ANKRD62: variants seen among roughly 807,000 people sequenced by gnomAD.
The protein encoded by ANKRD62 is ankyrin repeat domain-containing protein 62.
ANKRD62 carries 61 observed loss-of-function variants against 98.8 expected under a neutral mutation model. That is an observed-to-expected ratio of 0.62 (90% CI 0.50 to 0.76). The LOEUF (loss-of-function observed/expected upper bound fraction) is 0.76, where lower values mean the gene tolerates loss of function less well. Among genes scored for constraint, ANKRD62 ranks in the 30% least tolerant of loss-of-function variants. ANKRD62 has a pLI of 0.00. For synonymous variants in ANKRD62, 341 were observed against 367.9 expected (o/e 0.93, Z 0.84); for missense variants, 933 against 1,082.9 (o/e 0.86, Z 1.94).
At chr18:12,094,780 TGTGGG>T (rs1909141685) in intron 1 of ANKRD62, among the ~76,000 whole-genome samples, 2 of 33,382 alleles carry the variant, frequency 6.0e-5, no homozygotes, top group Non-Finnish European at 1.1e-4. Flanking sequence ...GCAGGACTGG[TGTGGG>T]GGTGGGTGGG....
chr18:12,128,814 C>A lies in ANKRD62; in HGVS notation c.*875C>A, dbSNP rs891364875. On this transcript the variant is annotated 3_prime_UTR_variant, in exon 14 of 14. Coordinates refer to ENST00000587848, the MANE Select transcript of ANKRD62 (RefSeq NM_001277333.2). ...GTGGCTCACGCCTGTGATCCAAGCA[C>A]TTTGGGAGGCTGAAACGGGTGGATC... The A allele has an allele frequency of 2.0e-5, 3 of 152,198 alleles. No homozygotes were observed. Among genetic ancestry groups the A allele is most frequent in the Admixed American group, 6.6e-5 (1 of 15,266 alleles). The allele number at this position is 152,198 out of a possible 1,614,324, so 9.4% of individuals were successfully genotyped here. A position where few individuals can be genotyped will look rare whatever the true frequency, so the allele number is the denominator to read the frequency against.
intron 11 of ANKRD62, 94 bp downstream of exon 11, chr18:12,122,610 T>C: frequency 1.8e-6 from 2 of 1,083,888 alleles, no homozygotes; most frequent in South Asian, 1.9e-5. Context: ...TTCTAGGGTT[T>C]AATAGAGAAG....
chr18:12,164,055 T>G, the ANKRD62 span, among the ~76,000 whole-genome samples: 1 of 152,156 alleles, frequency 6.6e-6, no homozygotes, highest in East Asian at 1.9e-4. Flanking sequence ...CCTCCTCTAT[T>G]ATTTGAAGTG....
chr18:12,135,207 A>C, the ANKRD62 span, among the ~76,000 whole-genome samples: 4 of 88,736 alleles, frequency 4.5e-5, no homozygotes, highest in African/African-American at 9.6e-5. Flanking sequence ...CCCACCCCAC[A>C]ACAGTCCCCA....
chr18:12,095,724 A>G (rs1295673606), intron 3 of ANKRD62, 114 bp downstream of exon 3: 50 of 1,016,976 alleles, frequency 4.9e-5, no homozygotes, highest in Non-Finnish European at 6.4e-5. Flanking sequence ...TTACGTGCAA[A>G]TATTTGCTTT....
In ANKRD62 at chr18:12,124,673, A is replaced by G. The variant is rs1247843997; in HGVS notation, c.1638+353A>G. On this transcript the variant is annotated intron_variant, in intron 12 of 13. Transcript: ENST00000587848. ...ATAAAAGTTATCATAATAGTACATA[A>G]TCTCAGGATTTCCTAAGAAGAGCTT... Among the ~76,000 whole-genome samples, 19 of 150,170 alleles carry G rather than the reference A, an allele frequency of 1.3e-4. No individual in the cohort carries two copies. In the Admixed American group the frequency reaches 1.3e-3, roughly 10 times the overall value.
At chr18:12,135,893 TG>T in the ANKRD62 span, among the ~76,000 whole-genome samples, 4 of 151,708 alleles carry the variant, frequency 2.6e-5, no homozygotes, top group Non-Finnish European at 4.4e-5. Flanking sequence ...TGGGGTTGTT[TG>T]TTTTTTTCTT....
chr18:12,146,514 C>T, the ANKRD62 span, among the ~76,000 whole-genome samples: 58 of 152,296 alleles, frequency 3.8e-4, no homozygotes, highest in African/African-American at 1.4e-3. Flanking sequence ...GGCACAATCT[C>T]GGCTCACCGC....
At chr18:12,170,287 A>ACC in the ANKRD62 span, among the ~76,000 whole-genome samples, 1 of 152,146 alleles carries the variant, frequency 6.6e-6, no homozygotes, top group Non-Finnish European at 1.5e-5. Context: ...ATTTCCCTCT[A>ACC]CACACTGCTT....
the ANKRD62 span, among the ~76,000 whole-genome samples, chr18:12,141,353 C>T: frequency 1.3e-5 from 2 of 152,170 alleles, no homozygotes; most frequent in African/African-American, 2.4e-5. Context: ...TGCACTGCAC[C>T]CACTGTCTGG....
chr18:12,094,271 A>T lies in ANKRD62; in HGVS notation c.218+36A>T, dbSNP rs541758498. On this transcript the variant is annotated intron_variant, in intron 1 of 13. Transcript: ENST00000587848. The stretch of plus-strand genomic sequence containing the variant: ...CAGGAAGCCGGGAGGAGGCCTGGGG[A>T]TATGGGAGAAGCCCCTGTTCCTGGT... 4.2e-6 allele frequency: 6 copies of T among 1,440,428 alleles called. No individual in the cohort carries two copies. The East Asian group carries it at 1.1e-4, about 27-fold the overall frequency. 89.2% of individuals were successfully genotyped at this position (1,440,428 alleles called of 1,614,324 possible).
At position 12,096,289 on chromosome 18, in the gene ANKRD62, G is replaced by A; in HGVS notation, c.601G>A (p.Asp201Asn). The change falls in exon 4 of 14, where the codon GAT (aspartate) becomes AAT (asparagine). Residue 201 changes from aspartate (D) to asparagine (N), a missense_variant. This residue lies in a region of ANKRD62 where 549 missense variants were observed against 587.9 expected (regional missense o/e 0.93). Transcript: ENST00000587848. ...LKKKPDLTAI[D>N]NFGRTALILA... ...GAAAAAACCAGATTTAACTGCAATA[G>A]ATAATTTTGGAAGGTACAGTAGTTC... 6.6e-7 allele frequency: 1 copy of A among 1,525,762 alleles called. No homozygotes were observed. The allele number at this position is 1,525,762 out of a possible 1,614,324, so 94.5% of individuals were successfully genotyped here. A position where few individuals can be genotyped will look rare whatever the true frequency, so the allele number is the denominator to read the frequency against.
downstream of ANKRD62, among the ~76,000 whole-genome samples, chr18:12,130,206 A>AC (rs1330043634): frequency 1.3e-5 from 2 of 152,028 alleles, no homozygotes; most frequent in African/African-American, 2.4e-5. Context: ...CAAAGGTAAA[A>AC]AAATAACAAC....
chr18:12,172,120 T>C, the ANKRD62 span, among the ~76,000 whole-genome samples: 13 of 152,330 alleles, frequency 8.5e-5, no homozygotes, highest in African/African-American at 2.9e-4. Flanking sequence ...TTACTGATCA[T>C]CTGAAGCCTT....
At chr18:12,125,115 C>T (rs928513145) in intron 12 of ANKRD62, among the ~76,000 whole-genome samples, 2 of 152,058 alleles carry the variant, frequency 1.3e-5, no homozygotes, top group African/African-American at 2.4e-5. Context: ...TGTGTAAACC[C>T]AGTTTCTAAA....
downstream of ANKRD62, among the ~76,000 whole-genome samples, chr18:12,130,746 G>GTC (rs1290766208): frequency 3.3e-5 from 5 of 151,930 alleles, no homozygotes; most frequent in African/African-American, 1.2e-4. Context: ...AGACTGGAGT[G>GTC]AAGTGGTGTG....
At chr18:12,151,902 A>G in the ANKRD62 span, among the ~76,000 whole-genome samples, 1 of 152,144 alleles carries the variant, frequency 6.6e-6, no homozygotes, top group Admixed American at 6.5e-5. Flanking sequence ...TCCCACAGAA[A>G]TACAAGTAAC....
chr18:12,129,792 A>G (rs1909974626), downstream of ANKRD62: 1 of 151,046 alleles, frequency 6.6e-6, no homozygotes, highest in African/African-American at 2.4e-5. Context: ...GATTTGTCCT[A>G]GATTATCATT....
the ANKRD62 span, among the ~76,000 whole-genome samples, chr18:12,145,127 G>T: frequency 1.0e-5 from 1 of 96,042 alleles, no homozygotes; most frequent in Non-Finnish European, 2.7e-5. Flanking sequence ...CAGCTGTGTC[G>T]TGCTGTGCTG....
Sources: allele counts gnomAD v4.1 joint callset (sites outside exome capture counted in the v4.1 genomes callset), GRCh38; gene constraint gnomAD v4.1.1; regional missense constraint gnomAD v4.1.1; transcripts MANE v1.5; gene names NCBI Gene and HGNC (gene_info 2026-07-23, HGNC 2026-07-21).